PLCD4: variants seen among roughly 807,000 people sequenced by gnomAD.
PLCD4 encodes the protein phospholipase C delta 4.
In PLCD4, 63 loss-of-function variants were observed where a neutral mutation model predicts 90.2. That is an observed-to-expected ratio of 0.70 (90% CI 0.57 to 0.86). The LOEUF is 0.86. PLCD4 is among the 40% of genes least tolerant of loss of function. The pLI, the probability that PLCD4 is intolerant of heterozygous loss-of-function variation, is 0.00. For synonymous variants in PLCD4, 294 were observed against 356.5 expected, an observed-to-expected ratio of 0.82 and a Z score of 1.97; for missense variants, 830 against 956.3, an observed-to-expected ratio of 0.87 and a Z score of 1.74.
chr2:218,618,210 A>G (rs949063259), intron 3 of PLCD4, among the ~76,000 whole-genome samples: 9 of 152,218 alleles, frequency 5.9e-5, no homozygotes, highest in Non-Finnish European at 1.2e-4. Context: ...CATCCCCATC[A>G]GTCCTCCTGT....
chr2:218,633,316 A>G, intron 10 of PLCD4: 1 of 697,778 alleles, frequency 1.4e-6, no homozygotes, highest in Non-Finnish European at 2.6e-6. Context: ...TAGAGCAAAC[A>G]CAAGCCCAGA....
At position 218,632,073 on chromosome 2, in the gene PLCD4, C is replaced by T. The variant is rs1419368728; in HGVS notation, c.1273-63C>T. 3 of 1,484,170 alleles carry T rather than the reference C, an allele frequency of 2.0e-6. No homozygotes were observed. In the African/African-American group the frequency reaches 4.2e-5, roughly 21 times the overall value. The allele number at this position is 1,484,170 out of a possible 1,614,324, so 91.9% of individuals were successfully genotyped here. On this transcript the variant is annotated intron_variant, in intron 9 of 15. Transcript: ENST00000450993. ...CTGCCTTTGAGAACAATGAGACTGG[C>T]ATGATTCCCAGAAGGACCCAAGAGC... is the stretch of plus-strand genomic sequence containing the variant.
In PLCD4 at chr2:218,634,536, A is replaced by G. The variant is rs149628135; in HGVS notation, c.1802A>G (p.Tyr601Cys). The G allele has an allele frequency of 1.9e-6, 3 of 1,613,944 alleles. No individual in the cohort carries two copies. The highest frequency in any genetic ancestry group is 2.7e-5 in the African/African-American group (2 of 74,946). The stretch of plus-strand genomic sequence containing the variant: ...TTCCGCCAGAATGGCGGCTGTGGCT[A>G]TGTGCTGAAGCCAGACTTCCTGCGT... ...GHFRQNGGCG[Y>C]VLKPDFLRDI... Residue 601 changes from tyrosine to cysteine, a missense_variant, in exon 13 of 16, where the codon TAT (tyrosine) becomes TGT (cysteine). Coordinates refer to ENST00000450993, the MANE Select transcript of PLCD4 (RefSeq NM_032726.4). The surrounding 1 kb of genome is among the most constrained non-coding windows in gnomAD (Gnocchi z 4.0).
intron 4 of PLCD4, among the ~76,000 whole-genome samples, chr2:218,620,855 G>A (rs568923773): frequency 1.4e-4 from 18 of 128,878 alleles, no homozygotes; most frequent in African/African-American, 4.2e-4. Context: ...GATTTCCCTA[G>A]TGCACTCCAG....
Position 218,628,217 on chromosome 2 carries a change from G to T in PLCD4, c.961G>T (p.Glu321Ter), listed in dbSNP as rs771868964. 1 of 1,613,902 alleles carries T rather than the reference G, an allele frequency of 6.2e-7. No homozygotes were observed. ...CCAGCTTTGTGGCCAGAGCAGCGTC[G>T]AGGGATATATACGGTGCAGTGGTGG... ...GDQLCGQSSV[E>*]GYIRALKRGC... Residue 321 changes from glutamate to a stop codon, truncating the protein, a stop_gained, in exon 7 of 16, where the codon GAG becomes TAG. Coordinates refer to ENST00000450993, the MANE Select transcript of PLCD4 (RefSeq NM_032726.4). LOFTEE classifies it high-confidence loss of function.
chr2:218,615,685 T>A, intron 1 of PLCD4, 22 bp from the exon 2 acceptor site: 2 of 1,540,976 alleles, frequency 1.3e-6, no homozygotes, highest in Middle Eastern at 1.7e-4. Flanking sequence ...CCAGAGCCCT[T>A]TGCTCTTCCT....
rs1327716394 is a variant in PLCD4, at chr2:218,628,109, T to C, written c.853T>C (p.Cys285Arg). Residue 285 changes from cysteine to arginine, a missense_variant, in exon 7 of 16, where the codon TGC (cysteine) becomes CGC (arginine). Coordinates refer to ENST00000450993, the MANE Select transcript of PLCD4 (RefSeq NM_032726.4). ...GGATGGAGACATCTTCAACCCAGCC[T>C]GCCTCCCCATCTATCAGGATATGAC... ...SKDGDIFNPACLPIYQDMTQP... is the reference protein window; with the variant it reads ...SKDGDIFNPARLPIYQDMTQP... 2.5e-6 allele frequency: 4 copies of C among 1,614,042 alleles called. No homozygotes were observed. Among genetic ancestry groups the C allele is most frequent in the African/African-American group, 1.3e-5 (1 of 75,072 alleles).
At chr2:218,615,541 G>A (rs887388249) in intron 1 of PLCD4, among the ~76,000 whole-genome samples, 166 bp from the exon 2 acceptor site, 3 of 152,190 alleles carry the variant, frequency 2.0e-5, no homozygotes, top group African/African-American at 7.2e-5. Flanking sequence ...GAGGCTCTGG[G>A]ATCAGACATA....
intron 4 of PLCD4, among the ~76,000 whole-genome samples, chr2:218,619,681 T>A (rs548744171): frequency 1.3e-5 from 2 of 151,378 alleles, no homozygotes; most frequent in Non-Finnish European, 2.9e-5. Context: ...TGGCCTGTAA[T>A]CCCAGCACTT....
At chr2:218,630,584 T>C in intron 8 of PLCD4, 66 bp from the exon 9 acceptor site, 1 of 1,595,640 alleles carries the variant, frequency 6.3e-7, no homozygotes, top group Non-Finnish European at 8.6e-7. Context: ...AGGAAGCGGG[T>C]ACTTGAAGAA....
chr2:218,629,795 G>A (rs564798912), intron 8 of PLCD4, 132 bp downstream of exon 8: 2 of 952,428 alleles, frequency 2.1e-6, no homozygotes, highest in African/African-American at 1.6e-5. Flanking sequence ...TAAAGCATCA[G>A]GCAAATACTA....
intron 3 of PLCD4, 137 bp from the exon 4 acceptor site, chr2:218,618,442 T>G: frequency 4.3e-6 from 3 of 701,278 alleles, no homozygotes; most frequent in Non-Finnish European, 7.2e-6. Flanking sequence ...TACTAATGCT[T>G]TTTGGGATTC....
At chr2:218,620,706 ACT>A (rs1340028303) in intron 4 of PLCD4, among the ~76,000 whole-genome samples, 3 of 150,836 alleles carry the variant, frequency 2.0e-5, no homozygotes, top group East Asian at 2.0e-4. Flanking sequence ...ACAGAGCGAG[ACT>A]CTGTCTAAAA....
intron 7 of PLCD4, chr2:218,629,086 T>G (rs1696241186): frequency 6.4e-6 from 1 of 155,306 alleles, no homozygotes; most frequent in African/African-American, 2.4e-5. Flanking sequence ...CATGGTGATG[T>G]GTGCTTTTAG....
rs530726603 is a variant in PLCD4 at position 218,634,730 on chromosome 2, C to T, written c.1896+100C>T. ...GACCGGAATGTAGAGGCCGGATAGC[C>T]TATTAACAGTGTCTAGTTTTAGCTT... On this transcript the variant is annotated intron_variant, in intron 13 of 15. Transcript: ENST00000450993. The surrounding 1 kb of genome is among the most constrained non-coding windows in gnomAD (Gnocchi z 4.0). The T allele has an allele frequency of 6.0e-6, 8 of 1,340,018 alleles. No individual in the cohort carries two copies. The highest frequency in any genetic ancestry group is 4.4e-5 in the African/African-American group (3 of 68,166). 83.0% of individuals were successfully genotyped at this position (1,340,018 alleles called of 1,614,324 possible).
intron 6 of PLCD4, among the ~76,000 whole-genome samples, chr2:218,626,657 T>C (rs1391613543): frequency 6.6e-6 from 1 of 152,154 alleles, no homozygotes; most frequent in Non-Finnish European, 1.5e-5. Context: ...ATAAAGCCCA[T>C]ACTGAGATTG....
At chr2:218,614,071 G>A (rs1411074375) in intron 1 of PLCD4, among the ~76,000 whole-genome samples, 1 of 151,214 alleles carries the variant, frequency 6.6e-6, no homozygotes, top group Non-Finnish European at 1.5e-5. Flanking sequence ...CCAGGCTGGA[G>A]TGCAATGGCG....
intron 1 of PLCD4, among the ~76,000 whole-genome samples, chr2:218,608,310 G>T (rs1429618581): frequency 6.6e-6 from 1 of 152,094 alleles, no homozygotes; most frequent in Non-Finnish European, 1.5e-5. Flanking sequence ...CTTAGCTTAT[G>T]CAGGGCCAGA....
chr2:218,630,111 A>G (rs1696295676), intron 8 of PLCD4, among the ~76,000 whole-genome samples: 1 of 152,168 alleles, frequency 6.6e-6, no homozygotes, highest in Non-Finnish European at 1.5e-5. Flanking sequence ...CAGGAGGCAG[A>G]GGTTTGCAGT....
Sources: allele counts gnomAD v4.1 joint callset (sites outside exome capture counted in the v4.1 genomes callset), GRCh38; gene constraint gnomAD v4.1.1; non-coding constraint Gnocchi (gnomAD v3.1); transcripts MANE v1.5; gene names NCBI Gene and HGNC (gene_info 2026-07-23, HGNC 2026-07-21).